ATRNL1: variants seen among roughly 807,000 people sequenced by gnomAD.
ATRNL1 encodes the protein attractin-like protein 1.
Under a neutral mutation model 182.7 loss-of-function variants are expected in ATRNL1, and 95 were observed. The ratio of observed to expected loss-of-function variants is 0.52; its 90% CI spans 0.44 to 0.62. ATRNL1 has a LOEUF of 0.62. ATRNL1 is among the 20% of genes least tolerant of loss of function. ATRNL1 has a pLI of 0.00. For missense variants in ATRNL1, 1,471 were observed against 1,679.5 expected (o/e 0.88, Z 2.17); for synonymous variants, 576 against 568.3 (o/e 1.01, Z -0.19).
chr10:115,485,035 T>C (rs1848955230), intron 24 of ATRNL1, among the ~76,000 whole-genome samples: 1 of 151,930 alleles, frequency 6.6e-6, no homozygotes, highest in South Asian at 2.1e-4. Context: ...GTCTGTTTTT[T>C]TGTGTGGTGT....
intron 28 of ATRNL1, among the ~76,000 whole-genome samples, chr10:115,923,825 G>A (rs115626966): frequency 0.012 from 1,894 of 152,166 alleles, 51 homozygotes; most frequent in African/African-American, 0.043. Context: ...TTGAGGAATC[G>A]CCTACTGTCT....
intron 27 of ATRNL1, among the ~76,000 whole-genome samples, chr10:115,845,413 T>C (rs1950904512): frequency 6.6e-6 from 1 of 152,066 alleles, no homozygotes; most frequent in African/African-American, 2.4e-5. Context: ...CCACTGTCCT[T>C]ATTTGTTGCT....
At chr10:115,655,358 G>A (rs12252733) in intron 26 of ATRNL1, among the ~76,000 whole-genome samples, 1,826 of 152,196 alleles carry the variant, frequency 0.012, 37 homozygotes, top group African/African-American at 0.041. Flanking sequence ...TATCTTGAGC[G>A]TCCTTGGTAA....
chr10:115,691,194 T>C (rs1946382865), intron 26 of ATRNL1, among the ~76,000 whole-genome samples: 1 of 152,160 alleles, frequency 6.6e-6, no homozygotes, highest in Admixed American at 6.5e-5. Flanking sequence ...TTCAGGAACT[T>C]CCATAGTGTT....
At chr10:115,627,477 G>A (rs1858179284) in intron 26 of ATRNL1, among the ~76,000 whole-genome samples, 2 of 151,886 alleles carry the variant, frequency 1.3e-5, no homozygotes, top group African/African-American at 4.8e-5. Context: ...CTATTCTTTT[G>A]CCTCAGCCTC....
At chr10:115,740,123 T>A (rs1396754124) in intron 27 of ATRNL1, among the ~76,000 whole-genome samples, 1 of 122,274 alleles carries the variant, frequency 8.2e-6, no homozygotes, top group Non-Finnish European at 1.8e-5. Context: ...GATAAACATT[T>A]TCATGTGTTC....
chr10:115,426,357 A>G (rs1307630255), intron 21 of ATRNL1, 55 bp downstream of exon 21: 2 of 1,306,580 alleles, frequency 1.5e-6, no homozygotes, highest in Non-Finnish European at 2.2e-6. Flanking sequence ...ATTAGTTTCA[A>G]ATAATAAAGG....
chr10:115,394,645 G>T lies in ATRNL1; in HGVS notation c.3176-14G>T. On this transcript the variant is annotated splice_polypyrimidine_tract_variant and intron_variant, in intron 19 of 28. Transcript: ENST00000355044. Reference sequence around the variant, plus strand: ...ATGTAGAATATTCAATATCATTTTGGTTTTGACTTACAGCTTGTACATGCA... The same window carrying T: ...ATGTAGAATATTCAATATCATTTTGTTTTTGACTTACAGCTTGTACATGCA... The T allele has an allele frequency of 6.3e-7, 1 of 1,599,454 alleles. No individual in the cohort carries two copies. The highest frequency in any genetic ancestry group is 8.6e-7 in the Non-Finnish European group (1 of 1,167,580).
chr10:115,834,909 A>G (rs1459454666), intron 27 of ATRNL1, among the ~76,000 whole-genome samples: 1 of 152,206 alleles, frequency 6.6e-6, no homozygotes, highest in Non-Finnish European at 1.5e-5. Context: ...CTAAGATGAC[A>G]TATTCATGTT....
intron 27 of ATRNL1, among the ~76,000 whole-genome samples, chr10:115,742,583 C>A (rs2532696): frequency 6.6e-6 from 1 of 152,094 alleles, no homozygotes; most frequent in Non-Finnish European, 1.5e-5. Context: ...CATCTCCTTT[C>A]ACTCTATTCT....
chr10:115,916,626 G>A (rs1191582009), intron 28 of ATRNL1, among the ~76,000 whole-genome samples: 1 of 152,136 alleles, frequency 6.6e-6, no homozygotes, highest in African/African-American at 2.4e-5. Flanking sequence ...TTTCCATTGT[G>A]TAATCCCACG....
At chr10:115,184,052 ATAAT>A (rs1438896349) in intron 8 of ATRNL1, among the ~76,000 whole-genome samples, 6 of 151,652 alleles carry the variant, frequency 4.0e-5, no homozygotes, top group South Asian at 4.2e-4. Flanking sequence ...ACATTAATAG[ATAAT>A]TAAGTATAAT....
At chr10:115,323,432 CCCCT>C in intron 18 of ATRNL1, among the ~76,000 whole-genome samples, 1 of 132,030 alleles carries the variant, frequency 7.6e-6, no homozygotes. Flanking sequence ...CCCCTCCCCT[CCCCT>C]CCCCTTCCCT....
chr10:115,873,915 G>C (rs1346045682), intron 28 of ATRNL1, among the ~76,000 whole-genome samples: 2 of 152,160 alleles, frequency 1.3e-5, no homozygotes, highest in African/African-American at 4.8e-5. Context: ...TCAGTTAAAG[G>C]TGTTGATCCA....
At chr10:115,720,366 C>T (rs996319127) in intron 26 of ATRNL1, among the ~76,000 whole-genome samples, 4 of 151,984 alleles carry the variant, frequency 2.6e-5, no homozygotes, top group East Asian at 1.9e-4. Context: ...GAAGATTATT[C>T]ATTTTCTCTG....
intron 27 of ATRNL1, among the ~76,000 whole-genome samples, chr10:115,736,911 G>T (rs1947967619): frequency 6.6e-6 from 1 of 152,056 alleles, no homozygotes; most frequent in African/African-American, 2.4e-5. Context: ...GGGACTACAG[G>T]TGTGTGCCTC....
chr10:115,640,394 CA>C (rs1454718142), intron 26 of ATRNL1, among the ~76,000 whole-genome samples: 1 of 152,190 alleles, frequency 6.6e-6, no homozygotes, highest in Non-Finnish European at 1.5e-5. Flanking sequence ...CTCCCACCAA[CA>C]GTGTAAAAGC....
intron 19 of ATRNL1, among the ~76,000 whole-genome samples, chr10:115,381,309 CA>C (rs1857984242): frequency 6.6e-6 from 1 of 151,882 alleles, no homozygotes; most frequent in Non-Finnish European, 1.5e-5. Context: ...CTCTGTCGCC[CA>C]GGCTGGAGTG....
intron 28 of ATRNL1, among the ~76,000 whole-genome samples, chr10:115,895,393 G>A (rs73365716): frequency 0.08 from 12,211 of 152,258 alleles, 1,587 homozygotes; most frequent in African/African-American, 0.27. Context: ...ATACAGGAGC[G>A]TGTTGCACAC....
Sources: gnomAD v4.1 joint callset for allele counts (sites outside exome capture counted in the v4.1 genomes callset) on GRCh38, gnomAD v4.1.1 for gene constraint, MANE v1.5 for transcripts, NCBI Gene and HGNC (gene_info 2026-07-23, HGNC 2026-07-21) for gene names.